SMURF1: variants seen among roughly 807,000 people sequenced by gnomAD.
SMURF1 encodes the protein SMAD specific E3 ubiquitin protein ligase 1.
Under a neutral mutation model 98.0 loss-of-function variants are expected in SMURF1, and 44 were observed. The observed-to-expected ratio is 0.45, with a 90% CI of 0.35 to 0.58. SMURF1 has a LOEUF of 0.58. Ranked by LOEUF, SMURF1 falls within the 20% of genes least tolerant of loss-of-function variation. The probability of loss-of-function intolerance (pLI) is 0.00; values close to 1 mark genes in which losing one functional copy is unlikely to be tolerated. For synonymous variants in SMURF1, 396 were observed against 374.9 expected, an observed-to-expected ratio of 1.06 and a Z score of -0.65; for missense variants, 687 against 938.4, an observed-to-expected ratio of 0.73 and a Z score of 3.50.
chr7:99,140,874 T>A (rs60083526), intron 1 of SMURF1, among the ~76,000 whole-genome samples: 14,431 of 152,210 alleles, frequency 0.095, 1,229 homozygotes, highest in African/African-American at 0.23. Flanking sequence ...AAAGATTGCT[T>A]CTCAACATCC....
rs1239790284 is a variant in SMURF1 at position 99,028,234 on chromosome 7, TGA to T, written c.*2348_*2349del. The T allele has an allele frequency of 6.6e-6, 1 of 152,528 alleles. No homozygotes were observed. Among genetic ancestry groups the T allele is most frequent in the African/African-American group, 2.4e-5 (1 of 41,398 alleles). 9.4% of individuals were successfully genotyped at this position (152,528 alleles called of 1,614,324 possible). A position where few individuals can be genotyped will look rare whatever the true frequency, so the allele number is the denominator to read the frequency against. On this transcript the variant is annotated 3_prime_UTR_variant, in exon 18 of 18. Transcript: ENST00000361368. ...GCTTTTACCATTTGCTTTGCCATGT[TGA>T]GTTCTTTGGGGTGGTTCAAAAGGAC...
At chr7:99,041,034 A>AGAGG (rs1271557373) in intron 12 of SMURF1, among the ~76,000 whole-genome samples, 10 of 152,298 alleles carry the variant, frequency 6.6e-5, no homozygotes, top group South Asian at 4.1e-4. Context: ...AGAGGGAAAG[A>AGAGG]GAGGGAGGGA....
At chr7:99,104,399 G>A (rs1296451597) in intron 1 of SMURF1, among the ~76,000 whole-genome samples, 1 of 152,118 alleles carries the variant, frequency 6.6e-6, no homozygotes, top group Non-Finnish European at 1.5e-5. Flanking sequence ...ATCAGGGAAA[G>A]GACAGTGAAA....
chr7:99,037,255 G>A (rs1440981617), intron 14 of SMURF1, 68 bp from the exon 15 acceptor site: 3 of 1,598,296 alleles, frequency 1.9e-6, no homozygotes, highest in Non-Finnish European at 2.6e-6. Context: ...GGTTTTTTTT[G>A]GAGACAGGGT....
chr7:99,128,600 T>C (rs1208779029), intron 1 of SMURF1, among the ~76,000 whole-genome samples: 1 of 152,244 alleles, frequency 6.6e-6, no homozygotes, highest in African/African-American at 2.4e-5. Context: ...ATTCAAGCTC[T>C]ATAATACCCT....
intron 1 of SMURF1, among the ~76,000 whole-genome samples, chr7:99,111,283 C>T (rs573366582): frequency 4.6e-5 from 7 of 151,886 alleles, no homozygotes; most frequent in Non-Finnish European, 8.8e-5. Context: ...ACCAATAAAC[C>T]AAAAAGAGAT....
chr7:99,059,417 TA>T (rs1177490033), intron 3 of SMURF1, among the ~76,000 whole-genome samples: 11 of 36,676 alleles, frequency 3.0e-4, no homozygotes, highest in African/African-American at 4.4e-4. Context: ...TAAAATAAAA[TA>T]AAATAAAATA....
In SMURF1 at chr7:99,143,969, G is replaced by C; in HGVS notation, c.-189C>G. 2.3e-6 allele frequency: 1 copy of C among 432,434 alleles called. No homozygotes were observed. The highest frequency in any genetic ancestry group is 4.3e-5 in the East Asian group (1 of 23,482). The allele number at this position is 432,434 out of a possible 1,614,324, so 26.8% of individuals were successfully genotyped here. A position where few individuals can be genotyped will look rare whatever the true frequency, so the allele number is the denominator to read the frequency against. Reference sequence around the variant, plus strand: ...TGGTCGAGCCGGGAGATCGGCGCTTGCTGCGGCGCTCTGACCCTCGCTGCT... The same window carrying C: ...TGGTCGAGCCGGGAGATCGGCGCTTCCTGCGGCGCTCTGACCCTCGCTGCT... On this transcript the variant is annotated 5_prime_UTR_variant, in exon 1 of 18. Coordinates refer to ENST00000361368, the MANE Select transcript of SMURF1 (RefSeq NM_181349.3).
chr7:99,057,368 C>G, intron 4 of SMURF1, 50 bp downstream of exon 4: 2 of 1,612,354 alleles, frequency 1.2e-6, no homozygotes, highest in Non-Finnish European at 1.7e-6. Context: ...ACGATGCCTC[C>G]TAAGCTTTCT....
intron 1 of SMURF1, among the ~76,000 whole-genome samples, chr7:99,079,069 G>A (rs1271306986): frequency 1.3e-5 from 2 of 152,224 alleles, no homozygotes; most frequent in Non-Finnish European, 2.9e-5. Flanking sequence ...CCACCCTCAG[G>A]CAACTGCCAC....
intron 1 of SMURF1, among the ~76,000 whole-genome samples, chr7:99,110,901 T>G (rs892625067): frequency 6.6e-6 from 1 of 152,104 alleles, no homozygotes; most frequent in African/African-American, 2.4e-5. Context: ...CCCAGGAAAA[T>G]AGTACATGAC....
chr7:99,053,182 CT>C (rs1397098441), intron 6 of SMURF1, among the ~76,000 whole-genome samples: 2 of 152,204 alleles, frequency 1.3e-5, no homozygotes, highest in Non-Finnish European at 2.9e-5. Context: ...TCTTCACCCC[CT>C]GAGCAATTTT....
chr7:99,063,269 AT>A (rs1563012784), intron 1 of SMURF1, among the ~76,000 whole-genome samples: 3,189 of 15,632 alleles, frequency 0.2, 426 homozygotes, highest in Middle Eastern at 0.38. Context: ...ATATATATAT[AT>A]ATATATATAT....
rs1031870361 is a variant in SMURF1, at chr7:99,030,239, T to C, written c.*345A>G. On this transcript the variant is annotated 3_prime_UTR_variant, in exon 18 of 18. Transcript: ENST00000361368. ...CCACGCCCAGTCCCCTAACTGTGAG[T>C]TGATGCTCCCGTAAAGAGCTCAGGG... 16 of 221,834 alleles carry C rather than the reference T, an allele frequency of 7.2e-5. No individual in the cohort carries two copies. The highest frequency in any genetic ancestry group is 3.1e-4 in the East Asian group (3 of 9,624). The allele number at this position is 221,834 out of a possible 1,614,324, so 13.7% of individuals were successfully genotyped here. A position where few individuals can be genotyped will look rare whatever the true frequency, so the allele number is the denominator to read the frequency against.
chr7:99,034,006 A>C (rs889941474), intron 16 of SMURF1, among the ~76,000 whole-genome samples: 3 of 152,090 alleles, frequency 2.0e-5, no homozygotes, highest in Non-Finnish European at 4.4e-5. Flanking sequence ...GCAGGACAGG[A>C]CTCCGGGAGC....
intron 1 of SMURF1, among the ~76,000 whole-genome samples, chr7:99,115,763 G>A (rs955451495): frequency 2.0e-5 from 3 of 151,980 alleles, no homozygotes; most frequent in Non-Finnish European, 4.4e-5. Context: ...AGAAGAAAGA[G>A]CAAAATGAAT....
At chr7:99,106,445 C>T (rs1432503485) in intron 1 of SMURF1, among the ~76,000 whole-genome samples, 1 of 152,112 alleles carries the variant, frequency 6.6e-6, no homozygotes, top group Non-Finnish European at 1.5e-5. Flanking sequence ...AATGTGCACA[C>T]TGTGTGAAAT....
At chr7:99,052,471 C>T in intron 6 of SMURF1, 25 bp from the exon 7 acceptor site, 5 of 1,502,982 alleles carry the variant, frequency 3.3e-6, no homozygotes, top group Non-Finnish European at 4.5e-6. Flanking sequence ...AGCAGGCAGG[C>T]ATGGTGTCAC....
Position 99,067,806 on chromosome 7 carries a change from T to C in SMURF1, c.56-5969A>G, listed in dbSNP as rs763867136. 5.5e-4 allele frequency among the ~76,000 whole-genome samples: 84 copies of C among 152,098 alleles called. 1 individual carries two copies. The highest frequency in any genetic ancestry group is 1.0e-3 in the Non-Finnish European group (68 of 67,976). On this transcript the variant is annotated intron_variant, in intron 1 of 17. Transcript: ENST00000361368. ...GTCTCTACTAAAAATACAAAAAATT[T>C]AGCCAGGCGTGGTGGCGGGTACCTG...
Sources: allele counts gnomAD v4.1 joint callset (sites outside exome capture counted in the v4.1 genomes callset), GRCh38; gene constraint gnomAD v4.1.1; transcripts MANE v1.5; gene names NCBI Gene and HGNC (gene_info 2026-07-23, HGNC 2026-07-21).